Variants in NTNG1 observed in about 807,000 individuals in gnomAD.
NTNG1 encodes the protein netrin G1.
A neutral mutation model predicts 54.0 loss-of-function variants in NTNG1; 16 were observed. The observed-to-expected ratio is 0.30, with a 90% CI of 0.20 to 0.45. The LOEUF (loss-of-function observed/expected upper bound fraction) is 0.45. Ranked by LOEUF, NTNG1 falls within the 20% of genes least tolerant of loss-of-function variation. NTNG1 has a pLI of 1.00. For missense variants in NTNG1, 530 were observed against 678.7 expected, an observed-to-expected ratio of 0.78 and a Z score of 2.43; for synonymous variants, 255 against 263.1, an observed-to-expected ratio of 0.97 and a Z score of 0.30.
chr1:107,341,784 T>G (rs1668910899), intron 3 of NTNG1, among the ~76,000 whole-genome samples: 1 of 152,110 alleles, frequency 6.6e-6, no homozygotes, highest in South Asian at 2.1e-4. Context: ...TTTCATAGAA[T>G]GCAATAACTA....
At chr1:107,270,210 T>A (rs1044261624) in intron 2 of NTNG1, among the ~76,000 whole-genome samples, 2 of 152,016 alleles carry the variant, frequency 1.3e-5, no homozygotes, top group African/African-American at 4.8e-5. Context: ...TTTCTTAGCA[T>A]TTTTTTGACC....
intron 3 of NTNG1, among the ~76,000 whole-genome samples, chr1:107,339,703 G>T (rs983801584): frequency 1.3e-5 from 2 of 152,172 alleles, no homozygotes; most frequent in Middle Eastern, 3.4e-3. Context: ...ATTTAGCTGG[G>T]AATCAGATCA....
At chr1:107,258,515 A>G (rs1663084007) in intron 2 of NTNG1, among the ~76,000 whole-genome samples, 1 of 152,206 alleles carries the variant, frequency 6.6e-6, no homozygotes, top group African/African-American at 2.4e-5. Context: ...GTTTATAATA[A>G]CAGCAAACAC....
In NTNG1 at chr1:107,345,341, A is replaced by G. The variant is rs140269363; in HGVS notation, c.887+20419A>G. On this transcript the variant is annotated intron_variant, in intron 3 of 7. Coordinates refer to ENST00000370068, the MANE Select transcript of NTNG1 (RefSeq NM_001113226.3). ...CTTACTGTTAGCTAATACTCAGAAT[A>G]ACTGACCCTTATTATTCTTTGTGTG... is the stretch of plus-strand genomic sequence containing the variant. Among the ~76,000 whole-genome samples, 6 of 152,312 alleles carry G rather than the reference A, an allele frequency of 3.9e-5. No individual in the cohort carries two copies. The East Asian group carries it at 1.2e-3, about 29-fold the overall frequency.
At chr1:107,462,621 A>G (rs1483077459) in intron 7 of NTNG1, among the ~76,000 whole-genome samples, 1 of 152,124 alleles carries the variant, frequency 6.6e-6, no homozygotes, top group African/African-American at 2.4e-5. Context: ...TTTTCCTTTA[A>G]TTTCCCAAAC....
chr1:107,402,185 C>G (rs931534956), intron 4 of NTNG1, among the ~76,000 whole-genome samples: 6 of 152,110 alleles, frequency 3.9e-5, no homozygotes, highest in African/African-American at 1.4e-4. Flanking sequence ...GTAATTAAGT[C>G]TATGTGCAGA....
chr1:107,445,596 T>C (rs670053), intron 7 of NTNG1, among the ~76,000 whole-genome samples: 147,128 of 152,198 alleles, frequency 0.97, 71,296 homozygotes, highest in East Asian at 1. Flanking sequence ...ACACCAGTTA[T>C]TAGTGAATAT....
chr1:107,163,638 C>T (rs941527130), intron 2 of NTNG1, among the ~76,000 whole-genome samples: 3 of 152,002 alleles, frequency 2.0e-5, no homozygotes, highest in Non-Finnish European at 2.9e-5. Context: ...TTAAATTAAA[C>T]GAAGTGTATT....
intron 5 of NTNG1, among the ~76,000 whole-genome samples, chr1:107,424,101 A>C (rs1674732992): frequency 6.6e-6 from 1 of 152,166 alleles, no homozygotes; most frequent in African/African-American, 2.4e-5. Flanking sequence ...GAATATTATA[A>C]ATTCTATGAA....
intron 3 of NTNG1, among the ~76,000 whole-genome samples, chr1:107,358,820 TAA>T (rs1219273556): frequency 6.6e-6 from 1 of 152,134 alleles, no homozygotes; most frequent in Non-Finnish European, 1.5e-5. Flanking sequence ...GCCCCAGAAG[TAA>T]AAGAGTTTAG....
chr1:107,372,816 C>T (rs1671003701), intron 3 of NTNG1, among the ~76,000 whole-genome samples: 1 of 151,976 alleles, frequency 6.6e-6, no homozygotes, highest in Non-Finnish European at 1.5e-5. Context: ...TAAAGTTCTG[C>T]TTCAGGAAGA....
rs1019918575 is a variant in NTNG1 at position 107,483,489 on chromosome 1, T to C, written c.*2649T>C. ...ACAAATGGAAATGAAATGTTCTTTT[T>C]AAATCTGGATTCTCAAGTTCTTCTA... On this transcript the variant is annotated 3_prime_UTR_variant, in exon 8 of 8. Transcript: ENST00000370068. 6.6e-6 allele frequency: 1 copy of C among 152,218 alleles called. No individual in the cohort carries two copies. The highest frequency in any genetic ancestry group is 2.4e-5 in the African/African-American group (1 of 41,454). The allele number at this position is 152,218 out of a possible 1,614,324, so 9.4% of individuals were successfully genotyped here.
chr1:107,175,610 G>T (rs72979597), intron 2 of NTNG1, among the ~76,000 whole-genome samples: 2,914 of 143,858 alleles, frequency 0.02, 95 homozygotes, highest in African/African-American at 0.07. Flanking sequence ...TGTGTGTTTT[G>T]TTTTTTTTTT....
At chr1:107,377,587 T>C (rs941403868) in intron 3 of NTNG1, among the ~76,000 whole-genome samples, 2 of 152,208 alleles carry the variant, frequency 1.3e-5, no homozygotes, top group Non-Finnish European at 2.9e-5. Flanking sequence ...ACAAGCTCAG[T>C]CTGGTTCCTC....
At chr1:107,320,661 CTT>C (rs59983037) in intron 2 of NTNG1, among the ~76,000 whole-genome samples, 6 of 133,074 alleles carry the variant, frequency 4.5e-5, no homozygotes, top group African/African-American at 8.1e-5. Context: ...CACCTTTCAT[CTT>C]TTTTTTTTTT....
intron 7 of NTNG1, chr1:107,455,683 G>A (rs140838261): frequency 2.0e-5 from 9 of 454,678 alleles, no homozygotes; most frequent in African/African-American, 3.9e-5. Context: ...TGAGGTGACA[G>A]CACTGGAGAG....
intron 2 of NTNG1, among the ~76,000 whole-genome samples, chr1:107,292,423 G>A (rs140169371): frequency 6.6e-6 from 1 of 152,150 alleles, no homozygotes; most frequent in East Asian, 1.9e-4. Context: ...GGTTTCCCCC[G>A]CCCTATCCCA....
chr1:107,173,321 G>A (rs1656396063), intron 2 of NTNG1, among the ~76,000 whole-genome samples: 1 of 152,052 alleles, frequency 6.6e-6, no homozygotes, highest in African/African-American at 2.4e-5. Flanking sequence ...CTAGGATACA[G>A]AAAGACTGGT....
rs746383416 is a variant in NTNG1 at position 107,480,691 on chromosome 1, G to T, written c.1471G>T (p.Ala491Ser). 3 of 1,601,974 alleles carry T rather than the reference G, an allele frequency of 1.9e-6. No individual in the cohort carries two copies. Among genetic ancestry groups the T allele is most frequent in the African/African-American group, 1.3e-5 (1 of 74,236 alleles). ...CAACGTGCGCTGCCTGTGCCCGGCC[G>T]CATACACGGGCATCCTCTGCGAGAA... ...HNNVRCLCPA[A>S]YTGILCEKLR... Residue 491 changes from alanine to serine, a missense_variant, in exon 8 of 8, where the codon GCA becomes TCA. Coordinates refer to ENST00000370068, the MANE Select transcript of NTNG1 (RefSeq NM_001113226.3).
Sources: gnomAD v4.1 joint callset for allele counts (sites outside exome capture counted in the v4.1 genomes callset) on GRCh38, gnomAD v4.1.1 for gene constraint, MANE v1.5 for transcripts, NCBI Gene and HGNC (gene_info 2026-07-23, HGNC 2026-07-21) for gene names.